TRAPPC9: variants seen among roughly 807,000 people sequenced by gnomAD.
The protein encoded by TRAPPC9 is IKK2 binding protein.
Under a neutral mutation model 124.0 loss-of-function variants are expected in TRAPPC9, and 83 were observed. The ratio of observed to expected loss-of-function variants is 0.67; its 90% CI spans 0.56 to 0.80. TRAPPC9 has a LOEUF of 0.80. TRAPPC9 is among the 30% of genes least tolerant of loss of function. The probability of loss-of-function intolerance (pLI) is 0.00; values close to 1 mark genes in which losing one functional copy is unlikely to be tolerated. For missense variants in TRAPPC9, 1,302 were observed against 1,508.3 expected, an observed-to-expected ratio of 0.86 and a Z score of 2.27; for synonymous variants, 638 against 617.5, an observed-to-expected ratio of 1.03 and a Z score of -0.49.
intron 21 of TRAPPC9, among the ~76,000 whole-genome samples, chr8:139,736,076 G>A (rs1275907211): frequency 6.6e-6 from 1 of 152,202 alleles, no homozygotes; most frequent in African/African-American, 2.4e-5. Context: ...TATGAAACTG[G>A]GATGATGATC....
At chr8:140,069,809 G>A (rs562886591) in intron 17 of TRAPPC9, among the ~76,000 whole-genome samples, 1 of 152,310 alleles carries the variant, frequency 6.6e-6, no homozygotes, top group East Asian at 1.9e-4. Context: ...AAGCCTCAAA[G>A]CCAGTGAGGC....
intron 15 of TRAPPC9, among the ~76,000 whole-genome samples, chr8:140,260,649 A>G (rs2131550523): frequency 6.6e-6 from 1 of 152,324 alleles, no homozygotes; most frequent in South Asian, 2.1e-4. Flanking sequence ...CAAGACAATA[A>G]CTGAAACAAC....
chr8:140,403,105 GAA>G (rs1015306847), intron 6 of TRAPPC9, among the ~76,000 whole-genome samples: 1 of 152,118 alleles, frequency 6.6e-6, no homozygotes, highest in African/African-American at 2.4e-5. Context: ...AAAAACTAAG[GAA>G]AAGAGTTTTA....
chr8:139,883,781 G>C (rs1231783789), intron 21 of TRAPPC9, among the ~76,000 whole-genome samples: 2 of 152,232 alleles, frequency 1.3e-5, no homozygotes, highest in Non-Finnish European at 2.9e-5. Flanking sequence ...TTCATCCCTG[G>C]CTGGTAGAGG....
rs111391504 is a variant in TRAPPC9, at chr8:140,087,578, G to A, written c.2557-63499C>T. ...AAAACAACCACCGTCCAGCTGCTCA[G>A]GCCAAAACCTTAAAAGACACCCTTG... On this transcript the variant is annotated intron_variant, in intron 17 of 22. Transcript: ENST00000438773. The surrounding 1 kb of genome is among the most constrained non-coding windows in gnomAD (Gnocchi z 4.6). 0.029 allele frequency among the ~76,000 whole-genome samples: 4,386 copies of A among 152,188 alleles called. 77 individuals carry two copies. Among genetic ancestry groups the A allele is most frequent in the South Asian group, 0.04 (192 of 4,816 alleles).
At chr8:139,909,744 T>C (rs1831587936) in intron 20 of TRAPPC9, among the ~76,000 whole-genome samples, 1 of 152,216 alleles carries the variant, frequency 6.6e-6, no homozygotes, top group African/African-American at 2.4e-5. Context: ...TCTTCATGCC[T>C]CGGTAAGCTG....
chr8:139,824,047 C>T (rs1011880744), intron 21 of TRAPPC9, among the ~76,000 whole-genome samples: 2 of 152,172 alleles, frequency 1.3e-5, no homozygotes, highest in Admixed American at 6.5e-5. Flanking sequence ...GGGGCTCTCA[C>T]GTGTATCAGT....
In TRAPPC9 at chr8:140,182,611, T is replaced by G. The variant is rs539480926; in HGVS notation, c.2556+38848A>C. Among the ~76,000 whole-genome samples, 48 of 152,182 alleles carry G rather than the reference T, an allele frequency of 3.2e-4. No individual in the cohort carries two copies. Among genetic ancestry groups the G allele is most frequent in the Non-Finnish European group, 6.0e-4 (41 of 68,034 alleles). On this transcript the variant is annotated intron_variant, in intron 17 of 22. Coordinates refer to ENST00000438773, the MANE Select transcript of TRAPPC9 (RefSeq NM_001160372.4). The surrounding 1 kb of genome is among the most constrained non-coding windows in gnomAD (Gnocchi z 4.0). ...TTTGCCAAGTGTCCTCTCAACCTCTTGCTCAGAGTCTTTCCATTTCATTCT... is the reference window on the plus strand; with the variant it reads ...TTTGCCAAGTGTCCTCTCAACCTCTGGCTCAGAGTCTTTCCATTTCATTCT...
intron 17 of TRAPPC9, among the ~76,000 whole-genome samples, chr8:140,112,483 A>G (rs571220946): frequency 1.3e-5 from 2 of 151,572 alleles, no homozygotes; most frequent in South Asian, 4.2e-4. Flanking sequence ...CAGGTGTGAG[A>G]AGAGTAATGG....
chr8:140,053,579 G>A (rs978210388), intron 17 of TRAPPC9, among the ~76,000 whole-genome samples: 2 of 121,970 alleles, frequency 1.6e-5, no homozygotes, highest in African/African-American at 6.2e-5. Context: ...AGGAACATTT[G>A]GTCTATAGTG....
intron 19 of TRAPPC9, among the ~76,000 whole-genome samples, chr8:139,987,721 G>T (rs1199470092): frequency 6.6e-6 from 1 of 152,190 alleles, no homozygotes; most frequent in African/African-American, 2.4e-5. Flanking sequence ...ACCGGGCTGG[G>T]CTTGGAAGCA....
intron 19 of TRAPPC9, among the ~76,000 whole-genome samples, chr8:139,963,330 G>C (rs2665928): frequency 0.88 from 133,540 of 152,194 alleles, 58,773 homozygotes; most frequent in East Asian, 0.99. Context: ...GGAAACAGCA[G>C]AGCAGATACT....
intron 14 of TRAPPC9, 54 bp downstream of exon 14, chr8:140,283,835 G>T (rs533329269): frequency 2.5e-6 from 4 of 1,608,126 alleles, no homozygotes; most frequent in Admixed American, 3.3e-5. Flanking sequence ...AAAAATGTAG[G>T]ACCAAAAATG....
rs6997061 is a variant in TRAPPC9 at position 139,900,354 on chromosome 8, C to G, written c.2964+9793G>C. ...ATTGCCTTATCTGGGATGTCTCTACCCTGGAAACCAACCCTTCTGTCCTCC... is the reference window on the plus strand; with the variant it reads ...ATTGCCTTATCTGGGATGTCTCTACGCTGGAAACCAACCCTTCTGTCCTCC... On this transcript the variant is annotated intron_variant, in intron 20 of 22. Transcript: ENST00000438773. Among the ~76,000 whole-genome samples the G allele has an allele frequency of 8.2e-3, 1,251 of 152,250 alleles. 9 individuals carry two copies. The highest frequency in any genetic ancestry group is 0.029 in the African/African-American group (1,193 of 41,540).
intron 7 of TRAPPC9, among the ~76,000 whole-genome samples, chr8:140,374,441 A>G (rs2068376439): frequency 6.6e-6 from 1 of 152,148 alleles, no homozygotes; most frequent in Admixed American, 6.6e-5. Context: ...GTGGTGGTGC[A>G]TACCTGTAAT....
chr8:139,942,642 AT>A (rs1419759238), intron 19 of TRAPPC9, among the ~76,000 whole-genome samples: 1 of 151,540 alleles, frequency 6.6e-6, no homozygotes, highest in Non-Finnish European at 1.5e-5. Context: ...TTCTGGACAC[AT>A]TTTTTTTTAA....
intron 21 of TRAPPC9, among the ~76,000 whole-genome samples, chr8:139,806,973 G>A (rs572150477): frequency 1.3e-5 from 2 of 152,332 alleles, no homozygotes; most frequent in Non-Finnish European, 2.9e-5. Context: ...AGGAAGGCCC[G>A]AGCACTTAGC....
intron 17 of TRAPPC9, among the ~76,000 whole-genome samples, chr8:140,114,795 T>A (rs1238831975): frequency 6.6e-6 from 1 of 151,980 alleles, no homozygotes; most frequent in Non-Finnish European, 1.5e-5. Flanking sequence ...AGGAAGGAAG[T>A]GAAAGGAGCC....
chr8:140,351,977 G>A lies in TRAPPC9; in HGVS notation c.1495+8073C>T, dbSNP rs116009991. Among the ~76,000 whole-genome samples, 389 of 152,252 alleles carry A rather than the reference G, an allele frequency of 2.6e-3. 2 individuals carry two copies. The highest frequency in any genetic ancestry group is 8.4e-3 in the African/African-American group (350 of 41,530). ...CAACAACCACCACAATGTACTATTG[G>A]AATACCTTCACCGCCTCAACCCCAT... On this transcript the variant is annotated intron_variant, in intron 9 of 22. Coordinates refer to ENST00000438773, the MANE Select transcript of TRAPPC9 (RefSeq NM_001160372.4).
Sources: gnomAD v4.1 joint callset for allele counts (sites outside exome capture counted in the v4.1 genomes callset) on GRCh38, gnomAD v4.1.1 for gene constraint, Gnocchi (gnomAD v3.1) non-coding constraint, MANE v1.5 for transcripts, NCBI Gene and HGNC (gene_info 2026-07-23, HGNC 2026-07-21) for gene names.